The following CTTN variants were observed in gnomAD, a reference collection of about 807,000 sequenced individuals.
CTTN encodes the protein src substrate cortactin.
In CTTN, 28 loss-of-function variants were observed where a neutral mutation model predicts 84.0. The observed-to-expected ratio is 0.33, with a 90% CI of 0.25 to 0.46. The LOEUF (loss-of-function observed/expected upper bound fraction) is 0.46. Among genes scored for constraint, CTTN ranks in the 20% least tolerant of loss-of-function variants. The probability of loss-of-function intolerance (pLI) is 1.00; values close to 1 mark genes in which losing one functional copy is unlikely to be tolerated. For synonymous variants in CTTN, 301 were observed against 288.8 expected (o/e 1.04, Z -0.43); for missense variants, 641 against 723.8 (o/e 0.89, Z 1.31).
intron 1 of CTTN, among the ~76,000 whole-genome samples, chr11:70,404,440 A>G (rs997780314): frequency 1.3e-5 from 2 of 152,170 alleles, no homozygotes; most frequent in Non-Finnish European, 2.9e-5. Flanking sequence ...TACGTTCATT[A>G]GGAATGCAGC....
At chr11:70,425,465 A>C in intron 13 of CTTN, 64 bp downstream of exon 13, 2 of 1,300,140 alleles carry the variant, frequency 1.5e-6, no homozygotes, top group East Asian at 4.7e-5. Flanking sequence ...GGGGAAGGAC[A>C]GTTGTGAAAC....
intron 5 of CTTN, among the ~76,000 whole-genome samples, chr11:70,412,896 C>T (rs887702193): frequency 4.6e-5 from 7 of 152,240 alleles, no homozygotes; most frequent in African/African-American, 1.7e-4. Flanking sequence ...TCATTCTGGG[C>T]ATGTCTTTAG....
At chr11:70,414,482 G>T (rs758108776) in intron 5 of CTTN, 60 bp from the exon 6 acceptor site, 26 of 1,257,038 alleles carry the variant, frequency 2.1e-5, no homozygotes, top group Non-Finnish European at 2.9e-5. Flanking sequence ...TGCTCTGGGA[G>T]GAAGTGAAGC....
In CTTN at chr11:70,435,217, C is replaced by A. The variant is rs890018322; in HGVS notation, c.*55C>A. On this transcript the variant is annotated 3_prime_UTR_variant, in exon 18 of 18. Transcript: ENST00000301843. ...CTGGATCCTCACACTACAGATCAGGCCTTCTTTGGTTCTTGGGTGGTTTTG... is the reference window on the plus strand; with the variant it reads ...CTGGATCCTCACACTACAGATCAGGACTTCTTTGGTTCTTGGGTGGTTTTG... 1.7e-5 allele frequency: 25 copies of A among 1,499,672 alleles called. No homozygotes were observed. In the African/African-American group the frequency reaches 2.7e-4, roughly 16 times the overall value. 92.9% of individuals were successfully genotyped at this position (1,499,672 alleles called of 1,614,324 possible).
In CTTN at chr11:70,433,676, G is replaced by A. The variant is rs200928339; in HGVS notation, c.1474G>A (p.Asp492Asn). Residue 492 changes from aspartate (D) to asparagine (N), a missense_variant, in exon 17 of 18, where the codon GAT (aspartate) becomes AAT (asparagine). Coordinates refer to ENST00000301843, the MANE Select transcript of CTTN (RefSeq NM_005231.4). ...EDSTYDEYEN[D>N]LGITAVALYD... The stretch of plus-strand genomic sequence containing the variant: ...CAGCACCTACGATGAGTACGAGAAC[G>A]ATCTGGGGATCACAGCCGTCGCCCT... 125 of 1,613,702 alleles carry A rather than the reference G, an allele frequency of 7.7e-5. No individual in the cohort carries two copies. The highest frequency in any genetic ancestry group is 1.0e-4 in the Non-Finnish European group (121 of 1,179,788).
Position 70,436,120 on chromosome 11 carries a change from T to C in CTTN, c.*958T>C. ...CCGCCAGGAACCCTCCTCCTGTCAA[T>C]GGGGGTGTAGTATTTTTGCCAAAAT... On this transcript the variant is annotated 3_prime_UTR_variant, in exon 18 of 18. Transcript: ENST00000301843. The C allele has an allele frequency of 1.4e-6, 2 of 1,431,122 alleles. No individual in the cohort carries two copies. The highest frequency in any genetic ancestry group is 2.9e-5 in the Admixed American group (1 of 34,338). 88.7% of individuals were successfully genotyped at this position (1,431,122 alleles called of 1,614,324 possible). A position where few individuals can be genotyped will look rare whatever the true frequency, so the allele number is the denominator to read the frequency against.
At chr11:70,425,618 T>C (rs893172388) in intron 13 of CTTN, among the ~76,000 whole-genome samples, 7 of 152,216 alleles carry the variant, frequency 4.6e-5, no homozygotes, top group South Asian at 4.1e-4. Flanking sequence ...TGCAGCCGTT[T>C]CAGTGGGGCC....
At chr11:70,414,767 GA>G in intron 6 of CTTN, 115 bp downstream of exon 6, 1 of 707,586 alleles carries the variant, frequency 1.4e-6, no homozygotes, top group Non-Finnish European at 2.5e-6. Flanking sequence ...AGCTCTGGGG[GA>G]CTGCAGAGAG....
At chr11:70,425,786 T>G (rs2058293997) in intron 13 of CTTN, among the ~76,000 whole-genome samples, 2 of 152,210 alleles carry the variant, frequency 1.3e-5, no homozygotes, top group Admixed American at 6.5e-5. Flanking sequence ...ATGACGTCGA[T>G]GTGCAGGCGA....
At chr11:70,406,040 G>A (rs963446877) in intron 2 of CTTN, among the ~76,000 whole-genome samples, 1 of 152,222 alleles carries the variant, frequency 6.6e-6, no homozygotes, top group Non-Finnish European at 1.5e-5. Flanking sequence ...GTGCCTTTCC[G>A]TTCTGAGATT....
chr11:70,421,164 G>T lies in CTTN; in HGVS notation c.791-306G>T, dbSNP rs140885898. On this transcript the variant is annotated intron_variant, in intron 10 of 17. Coordinates refer to ENST00000301843, the MANE Select transcript of CTTN (RefSeq NM_005231.4). Reference sequence around the variant, plus strand: ...ACACAGATACGCACACTCGTCTGCAGTGTGCGTAGGACGCTAAGAATGAAC... The same window carrying T: ...ACACAGATACGCACACTCGTCTGCATTGTGCGTAGGACGCTAAGAATGAAC... Among the ~76,000 whole-genome samples, 533 of 152,346 alleles carry T rather than the reference G, an allele frequency of 3.5e-3. 8 individuals carry two copies. Among genetic ancestry groups the T allele is most frequent in the African/African-American group, 0.012 (514 of 41,588 alleles).
At chr11:70,429,762 G>T (rs1033166061) in intron 14 of CTTN, among the ~76,000 whole-genome samples, 1 of 152,188 alleles carries the variant, frequency 6.6e-6, no homozygotes, top group Admixed American at 6.5e-5. Context: ...CTGTGTCTGG[G>T]TGCTTTGGGT....
chr11:70,425,263 C>A, intron 12 of CTTN, 69 bp from the exon 13 acceptor site: 1 of 1,253,342 alleles, frequency 8.0e-7, no homozygotes. Context: ...TTGCATCTGG[C>A]AGGAGCTACC....
intron 9 of CTTN, chr11:70,420,129 T>C: frequency 1.7e-6 from 1 of 597,976 alleles, no homozygotes; most frequent in East Asian, 2.8e-5. Flanking sequence ...GCCTGTGCTG[T>C]CTCATGGTGC....
chr11:70,416,862 A>G, intron 7 of CTTN, 151 bp from the exon 8 acceptor site: 5 of 653,430 alleles, frequency 7.7e-6, no homozygotes, highest in Non-Finnish European at 1.1e-5. Flanking sequence ...CGTCACCTGT[A>G]TGGAGCAGTG....
chr11:70,407,760 A>G, intron 4 of CTTN, 169 bp downstream of exon 4: 1 of 601,238 alleles, frequency 1.7e-6, no homozygotes, highest in East Asian at 2.8e-5. Context: ...ATATATGTGT[A>G]TTTGTGTAAT....
At chr11:70,433,746 G>T in intron 17 of CTTN, 28 bp downstream of exon 17, 1 of 1,516,416 alleles carries the variant, frequency 6.6e-7, no homozygotes, top group South Asian at 1.1e-5. Flanking sequence ...GCACTTGGAG[G>T]GGAGACCCAG....
At chr11:70,424,490 G>C (rs946053870) in intron 12 of CTTN, among the ~76,000 whole-genome samples, 5 of 152,176 alleles carry the variant, frequency 3.3e-5, no homozygotes, top group African/African-American at 1.2e-4. Context: ...AACTGCCCGG[G>C]TCCCCATACA....
intron 14 of CTTN, among the ~76,000 whole-genome samples, 197 bp downstream of exon 14, chr11:70,429,396 T>A (rs2058331224): frequency 6.6e-6 from 1 of 152,170 alleles, no homozygotes; most frequent in South Asian, 2.1e-4. Flanking sequence ...CTGGCCACAA[T>A]GCTCCAGGCA....
Sources: allele counts gnomAD v4.1 joint callset (sites outside exome capture counted in the v4.1 genomes callset), GRCh38; gene constraint gnomAD v4.1.1; transcripts MANE v1.5; gene names NCBI Gene and HGNC (gene_info 2026-07-23, HGNC 2026-07-21).